Variants in PDE1A observed in about 807,000 individuals in gnomAD.
PDE1A encodes the protein dual specificity calcium/calmodulin-dependent 3',5'-cyclic nucleotide phosphodiesterase 1A.
In PDE1A, 35 loss-of-function variants were observed where a neutral mutation model predicts 61.7. The observed-to-expected ratio is 0.57, with a 90% confidence interval of 0.43 to 0.75. The LOEUF is 0.75. PDE1A is among the 30% of genes least tolerant of loss of function. The probability of loss-of-function intolerance (pLI) is 0.00; values close to 1 mark genes in which losing one functional copy is unlikely to be tolerated. For missense variants in PDE1A, 597 were observed against 630.6 expected (o/e 0.95, Z 0.57); for synonymous variants, 232 against 213.2 (o/e 1.09, Z -0.77).
At chr2:182,246,081 G>A (rs946864481) in intron 2 of PDE1A, among the ~76,000 whole-genome samples, 1 of 152,126 alleles carries the variant, frequency 6.6e-6, no homozygotes, top group Non-Finnish European at 1.5e-5. Flanking sequence ...GTTTAAGTCA[G>A]ACCACAATGC....
the PDE1A span, among the ~76,000 whole-genome samples, chr2:182,632,260 A>C: frequency 6.6e-6 from 1 of 152,174 alleles, no homozygotes; most frequent in African/African-American, 2.4e-5. Flanking sequence ...ATAAAATTTT[A>C]AGTTACGAGT....
chr2:182,189,144 G>T (rs1685487227), intron 10 of PDE1A, 84 bp from the exon 11 acceptor site: 2 of 738,474 alleles, frequency 2.7e-6, no homozygotes, highest in South Asian at 4.3e-5. Context: ...GCCTAGAAAA[G>T]CCACATCTTT....
At chr2:182,702,870 T>C in the PDE1A span, among the ~76,000 whole-genome samples, 1 of 152,212 alleles carries the variant, frequency 6.6e-6, no homozygotes, top group Non-Finnish European at 1.5e-5. Flanking sequence ...AATGAATAAA[T>C]AGGTGACAGT....
chr2:182,151,318 G>C (rs776924535), intron 13 of PDE1A, among the ~76,000 whole-genome samples: 1 of 152,046 alleles, frequency 6.6e-6, no homozygotes, highest in African/African-American at 2.4e-5. Flanking sequence ...TGGCCAAGCT[G>C]GTCTTGAACT....
chr2:182,503,835 T>C (rs1248824700), intron 2 of PDE1A, among the ~76,000 whole-genome samples: 1 of 152,224 alleles, frequency 6.6e-6, no homozygotes, highest in Non-Finnish European at 1.5e-5. Flanking sequence ...AGGGATCGTA[T>C]CTGGACTGTT....
At chr2:182,417,904 C>A (rs1354155151) in intron 1 of PDE1A, among the ~76,000 whole-genome samples, 2 of 152,044 alleles carry the variant, frequency 1.3e-5, no homozygotes, top group East Asian at 1.9e-4. Context: ...AAAAAAAATT[C>A]ATTTTGTGAA....
At chr2:182,441,685 T>A (rs977810032) in intron 2 of PDE1A, among the ~76,000 whole-genome samples, 2 of 151,946 alleles carry the variant, frequency 1.3e-5, no homozygotes, top group Non-Finnish European at 2.9e-5. Flanking sequence ...AATCCAGGGC[T>A]GGGGAGAGAG....
upstream of PDE1A, among the ~76,000 whole-genome samples, chr2:182,427,769 C>G (rs1350295968): frequency 6.6e-6 from 1 of 152,134 alleles, no homozygotes; most frequent in East Asian, 1.9e-4. Context: ...GGAGACCTTC[C>G]TGTATCTGAA....
At chr2:182,168,324 T>C in intron 13 of PDE1A, 1 of 1,549,940 alleles carries the variant, frequency 6.5e-7, no homozygotes, top group Non-Finnish European at 8.7e-7. Context: ...ATTTTAATAA[T>C]TTAGAGAAAA....
intron 1 of PDE1A, among the ~76,000 whole-genome samples, chr2:182,421,902 T>G (rs1703299680): frequency 6.6e-6 from 1 of 152,210 alleles, no homozygotes; most frequent in African/African-American, 2.4e-5. Flanking sequence ...GCTTTTCTTT[T>G]TCTAGGCTTT....
intron 1 of PDE1A, among the ~76,000 whole-genome samples, chr2:182,264,671 A>C (rs1692475031): frequency 6.6e-6 from 1 of 151,538 alleles, no homozygotes; most frequent in Non-Finnish European, 1.5e-5. Flanking sequence ...TATTTCAGAG[A>C]TAGTCTTCCT....
chr2:182,262,931 T>C (rs1026388145), intron 2 of PDE1A, among the ~76,000 whole-genome samples: 1 of 151,098 alleles, frequency 6.6e-6, no homozygotes, highest in Admixed American at 6.6e-5. Flanking sequence ...AATTTCATCA[T>C]GTGAATTTTT....
intron 13 of PDE1A, among the ~76,000 whole-genome samples, chr2:182,177,788 A>G (rs981237378): frequency 1.3e-5 from 2 of 152,132 alleles, no homozygotes; most frequent in African/African-American, 4.8e-5. Context: ...TGTCTTTGAC[A>G]TTACTAACCA....
At chr2:182,439,396 G>A (rs1387030354) in intron 2 of PDE1A, among the ~76,000 whole-genome samples, 2 of 151,974 alleles carry the variant, frequency 1.3e-5, no homozygotes, top group Non-Finnish European at 2.9e-5. Flanking sequence ...GATTACAGAA[G>A]TAAAGTCCCA....
At chr2:182,605,012 T>C in the PDE1A span, among the ~76,000 whole-genome samples, 2 of 126,158 alleles carry the variant, frequency 1.6e-5, no homozygotes, top group African/African-American at 3.2e-5. Flanking sequence ...TTCATCAGTC[T>C]CTGGGTGGGG....
chr2:182,342,637 C>A (rs1402582655), intron 1 of PDE1A, among the ~76,000 whole-genome samples: 2 of 152,238 alleles, frequency 1.3e-5, no homozygotes, highest in African/African-American at 4.8e-5. Context: ...GAGCTGAGAT[C>A]GCGCCACTGC....
At chr2:182,301,221 C>G (rs1695221077) in intron 1 of PDE1A, among the ~76,000 whole-genome samples, 1 of 152,114 alleles carries the variant, frequency 6.6e-6, no homozygotes. Context: ...TGCATTACCC[C>G]AAATCTGCTG....
chr2:182,709,979 C>T, the PDE1A span, among the ~76,000 whole-genome samples: 1 of 152,184 alleles, frequency 6.6e-6, no homozygotes, highest in African/African-American at 2.4e-5. Context: ...TCACCACAAC[C>T]TCCGACTCCC....
At chr2:182,577,643 C>T in the PDE1A span, among the ~76,000 whole-genome samples, 1 of 152,196 alleles carries the variant, frequency 6.6e-6, no homozygotes. Context: ...TCTAAAATTG[C>T]ACTCATAGAA....
Sources: allele counts gnomAD v4.1 joint callset (sites outside exome capture counted in the v4.1 genomes callset), GRCh38; gene constraint gnomAD v4.1.1; transcripts MANE v1.5; gene names NCBI Gene and HGNC (gene_info 2026-07-23, HGNC 2026-07-21).